The following CFAP70 variants were observed in gnomAD, a reference collection of about 807,000 sequenced individuals.
The protein encoded by CFAP70 is cilia- and flagella-associated protein 70.
In CFAP70, 81 loss-of-function variants were observed where a neutral mutation model predicts 137.6. The ratio of observed to expected loss-of-function variants is 0.59; its 90% CI spans 0.49 to 0.71. The LOEUF (loss-of-function observed/expected upper bound fraction) is 0.71, where lower values mean the gene tolerates loss of function less well. Among genes scored for constraint, CFAP70 ranks in the 30% least tolerant of loss-of-function variants. The pLI is 0.00. For missense variants in CFAP70, 976 were observed against 1,226.7 expected (o/e 0.80, Z 3.05); for synonymous variants, 382 against 423.6 (o/e 0.90, Z 1.20).
chr10:73,348,124 G>A, intron 4 of CFAP70, 32 bp downstream of exon 5: 3 of 1,590,556 alleles, frequency 1.9e-6, no homozygotes, highest in South Asian at 1.1e-5. Flanking sequence ...TGAATGGCAG[G>A]CTGAAATGTT....
exon 24 of CFAP70, chr10:73,272,988 T>G (rs1157626539): frequency 6.4e-7 from 1 of 1,552,204 alleles, no homozygotes; most frequent in Admixed American, 2.0e-5. Context: ...TCTTACAGGC[T>G]TGCATATAGG....
intron 4 of CFAP70, chr10:73,345,155 C>T (rs2053602939): frequency 6.2e-7 from 1 of 1,614,092 alleles, no homozygotes. Flanking sequence ...AAGCAGCCTC[C>T]AACGTGACCT....
chr10:73,301,575 C>T (rs2048958036), intron 12 of CFAP70, among the ~76,000 whole-genome samples: 1 of 152,070 alleles, frequency 6.6e-6, no homozygotes, highest in Non-Finnish European at 1.5e-5. Context: ...AGATAAACGG[C>T]TGCTTAGACT....
At chr10:73,268,099 G>C (rs1176876652) in intron 25 of CFAP70, among the ~76,000 whole-genome samples, 1 of 152,124 alleles carries the variant, frequency 6.6e-6, no homozygotes, top group African/African-American at 2.4e-5. Context: ...AACTGATTTG[G>C]TATTTTATTT....
chr10:73,265,417 C>T (rs1342424930), intron 25 of CFAP70, among the ~76,000 whole-genome samples: 1 of 151,868 alleles, frequency 6.6e-6, no homozygotes, highest in Non-Finnish European at 1.5e-5. Flanking sequence ...TTGCACTTCA[C>T]TTTTTTTACT....
At chr10:73,299,858 G>A (rs1452222847) in intron 12 of CFAP70, among the ~76,000 whole-genome samples, 193 bp from the exon 14 acceptor site, 2 of 152,034 alleles carry the variant, frequency 1.3e-5, no homozygotes, top group Non-Finnish European at 2.9e-5. Context: ...ATATGGCTAC[G>A]GACCATACAG....
At chr10:73,286,693 GAC>G (rs2047741770) in intron 19 of CFAP70, among the ~76,000 whole-genome samples, 1 of 152,168 alleles carries the variant, frequency 6.6e-6, no homozygotes, top group South Asian at 2.1e-4. Context: ...AGGAATTAAA[GAC>G]ACACACACAG....
chr10:73,329,038 C>T (rs531707091), intron 8 of CFAP70, among the ~76,000 whole-genome samples: 1 of 151,860 alleles, frequency 6.6e-6, no homozygotes, highest in African/African-American at 2.4e-5. Context: ...GACACATGCA[C>T]ACATATGTTT....
rs549574756 is a variant in CFAP70, at chr10:73,269,374, T to C, written c.3027+240A>G. ...ACCTAGTTTATGTTGTGATACAATA[T>C]TGCTCCTATTTTTAGAACTTCCTTT... On this transcript the variant is annotated intron_variant, in intron 25 of 26. Coordinates refer to ENST00000310715, the Ensembl canonical transcript of CFAP70. Among the ~76,000 whole-genome samples, 162 of 152,342 alleles carry C rather than the reference T, an allele frequency of 1.1e-3. 1 individual carries two copies. Among genetic ancestry groups the C allele is most frequent in the Non-Finnish European group, 1.9e-3 (126 of 68,024 alleles).
intron 1 of CFAP70, among the ~76,000 whole-genome samples, chr10:73,356,039 G>A (rs1275681160): frequency 6.6e-6 from 1 of 152,076 alleles, no homozygotes; most frequent in Non-Finnish European, 1.5e-5. Context: ...TATTTTGAGA[G>A]CAGGAAAGAA....
intron 19 of CFAP70, among the ~76,000 whole-genome samples, chr10:73,290,879 G>C (rs2048129287): frequency 6.6e-6 from 1 of 152,070 alleles, no homozygotes; most frequent in South Asian, 2.1e-4. Flanking sequence ...ATATGAATGA[G>C]GAAATATTTA....
At chr10:73,323,001 G>T in exon 9 of CFAP70, 1 of 1,613,608 alleles carries the variant, frequency 6.2e-7, no homozygotes, top group Non-Finnish European at 8.5e-7. Flanking sequence ...GGGTAAACAT[G>T]AAAAGCTCCC....
chr10:73,254,179 C>T (rs1322845240), intron 26 of CFAP70, 124 bp from the exon 28 acceptor site: 1 of 629,410 alleles, frequency 1.6e-6, no homozygotes, highest in East Asian at 2.9e-5. Flanking sequence ...GGAATTGGCT[C>T]TTCCTATTTC....
chr10:73,254,976 G>A (rs891641556), intron 26 of CFAP70, among the ~76,000 whole-genome samples: 5 of 152,148 alleles, frequency 3.3e-5, no homozygotes, highest in Admixed American at 3.3e-4. Flanking sequence ...ATAACTAATA[G>A]AACAGGCCAG....
chr10:73,262,139 A>G (rs894713143), intron 25 of CFAP70, among the ~76,000 whole-genome samples: 1 of 150,302 alleles, frequency 6.7e-6, no homozygotes, highest in Non-Finnish European at 1.5e-5. Context: ...TGCTTTCCAC[A>G]CCTTCACTTA....
rs2052540331 is a variant in CFAP70 at position 73,335,322 on chromosome 10, A to G, written c.677+108T>C. ...TAGATGTGATAAATGAGAAAGTCTC[A>G]ATCTAAAATCACCTTAACTCAAATA... On this transcript the variant is annotated intron_variant, in intron 7 of 26. Transcript: ENST00000310715. 5 of 648,840 alleles carry G rather than the reference A, an allele frequency of 7.7e-6. No homozygotes were observed. In the South Asian group the frequency reaches 1.1e-4, roughly 15 times the overall value. The allele number at this position is 648,840 out of a possible 1,614,324, so 40.2% of individuals were successfully genotyped here.
At chr10:73,278,708 C>T (rs1223609487) in intron 19 of CFAP70, among the ~76,000 whole-genome samples, 8 of 151,986 alleles carry the variant, frequency 5.3e-5, no homozygotes, top group East Asian at 1.9e-4. Context: ...AGGCCGGGCG[C>T]GGTGGCTCAT....
At chr10:73,261,610 C>A (rs958828033) in intron 25 of CFAP70, among the ~76,000 whole-genome samples, 8 of 152,152 alleles carry the variant, frequency 5.3e-5, no homozygotes, top group Non-Finnish European at 1.0e-4. Context: ...CAGCTCCCAC[C>A]TGGTTCCTTC....
intron 25 of CFAP70, among the ~76,000 whole-genome samples, chr10:73,258,515 G>A (rs960834745): frequency 6.6e-6 from 1 of 152,206 alleles, no homozygotes; most frequent in South Asian, 2.1e-4. Flanking sequence ...TGTTTGTAGA[G>A]CACGTGTGTT....
Sources: gnomAD v4.1 joint callset for allele counts (sites outside exome capture counted in the v4.1 genomes callset) on GRCh38, gnomAD v4.1.1 for gene constraint, MANE v1.5 for transcripts, NCBI Gene and HGNC (gene_info 2026-07-23, HGNC 2026-07-21) for gene names.